The following AGAP1 variants were observed in gnomAD, a reference collection of about 807,000 sequenced individuals.
AGAP1 encodes ArfGAP with GTPase domain, ankyrin repeat and PH domain 1.
A neutral mutation model predicts 105.3 loss-of-function variants in AGAP1; 29 were observed. The observed-to-expected ratio is 0.28, with a 90% confidence interval of 0.21 to 0.38. The LOEUF (loss-of-function observed/expected upper bound fraction) is 0.38. AGAP1 is among the 10% of genes least tolerant of loss of function. The probability of loss-of-function intolerance (pLI) is 1.00; values close to 1 mark genes in which losing one functional copy is unlikely to be tolerated. For missense variants in AGAP1, 998 were observed against 1,165.1 expected (o/e 0.86, Z 2.09); for synonymous variants, 509 against 485.9 (o/e 1.05, Z -0.63).
chr2:235,632,081 C>G (rs941137039), intron 1 of AGAP1, among the ~76,000 whole-genome samples: 1 of 152,316 alleles, frequency 6.6e-6, no homozygotes, highest in South Asian at 2.1e-4. Flanking sequence ...ATTCTTCTGT[C>G]TTGTATAAGC....
chr2:236,043,583 C>T (rs1300688291), intron 15 of AGAP1, among the ~76,000 whole-genome samples: 2 of 151,986 alleles, frequency 1.3e-5, no homozygotes, highest in South Asian at 2.1e-4. Flanking sequence ...AAAAATTAGC[C>T]GGGCATGGTG....
intron 6 of AGAP1, chr2:235,776,874 G>A (rs1006173724): frequency 2.1e-6 from 1 of 469,706 alleles, no homozygotes; most frequent in African/African-American, 2.0e-5. Context: ...GGCTCTCCTA[G>A]CCCTTTCTTG....
intron 12 of AGAP1, among the ~76,000 whole-genome samples, chr2:235,941,774 A>G (rs1349580196): frequency 6.6e-6 from 1 of 152,136 alleles, no homozygotes; most frequent in African/African-American, 2.4e-5. Flanking sequence ...AAATGCTGCC[A>G]AGAACTCAGT....
rs1308959488 is a variant in AGAP1, at chr2:235,517,805, C to T, written c.163+22956C>T. ...TACAAAAATTAGTCAGACATGGTGG[C>T]GTGTGCCTGTAACCCCAGCTACACG... On this transcript the variant is annotated intron_variant, in intron 1 of 17. Transcript: ENST00000304032. This position sits in a 1 kb window ranked among gnomAD's most constrained non-coding sequence, Gnocchi z 4.1. Among the ~76,000 whole-genome samples the T allele has an allele frequency of 1.3e-5, 2 of 151,660 alleles. No homozygotes were observed. The highest frequency in any genetic ancestry group is 2.1e-4 in the South Asian group (1 of 4,798).
chr2:235,830,567 G>A lies in AGAP1; in HGVS notation c.1050+23236G>A, dbSNP rs188386364. 2.0e-4 allele frequency among the ~76,000 whole-genome samples: 31 copies of A among 151,474 alleles called. No homozygotes were observed. Among genetic ancestry groups the A allele is most frequent in the African/African-American group, 6.5e-4 (27 of 41,258 alleles). On this transcript the variant is annotated intron_variant, in intron 9 of 17. Coordinates refer to ENST00000304032, the MANE Select transcript of AGAP1 (RefSeq NM_001037131.3). This position sits in a 1 kb window ranked among gnomAD's most constrained non-coding sequence, Gnocchi z 5.5. ...TTACAGTTCAGAAGTGTTGCATGCT[G>A]AGCACTCTTTGTGAGATACTTTGGG...
chr2:235,644,688 G>GAT (rs369341275), intron 1 of AGAP1, among the ~76,000 whole-genome samples: 119 of 152,264 alleles, frequency 7.8e-4, no homozygotes, highest in African/African-American at 2.2e-3. Flanking sequence ...AGTTAGAACT[G>GAT]ATATGCAGCA....
In AGAP1 at chr2:236,046,140, G is replaced by A. The variant is rs934445102; in HGVS notation, c.1892-2919G>A. On this transcript the variant is annotated intron_variant, in intron 15 of 17. Transcript: ENST00000304032. The surrounding 1 kb of genome is among the most constrained non-coding windows in gnomAD (Gnocchi z 5.2). ...GTGGGGTGGGCATAGGAACCAAATC[G>A]GAGGTTCTGGTAAGAGCTTAGGCAA... 9 of 417,070 alleles carry A rather than the reference G, an allele frequency of 2.2e-5. No individual in the cohort carries two copies. Among genetic ancestry groups the A allele is most frequent in the South Asian group, 3.5e-5 (2 of 56,962 alleles). 25.8% of individuals were successfully genotyped at this position (417,070 alleles called of 1,614,324 possible).
At chr2:236,081,460 C>G (rs7580604) in intron 16 of AGAP1, among the ~76,000 whole-genome samples, 1 of 152,142 alleles carries the variant, frequency 6.6e-6, no homozygotes, top group Non-Finnish European at 1.5e-5. Context: ...GTCCTCCACC[C>G]GACTGAGAGT....
chr2:235,517,952 A>AAAG lies in AGAP1; in HGVS notation c.163+23105_163+23106insGAA, dbSNP rs1430792240. ...CGTTTCAAAAAAAAAAAAAAAGAAAAAAAAAAGGTAGAACTCATAGTTGCC... is the reference window on the plus strand; with the variant it reads ...CGTTTCAAAAAAAAAAAAAAAGAAAAAAGAAAAAAGGTAGAACTCATAGTTGCC... On this transcript the variant is annotated intron_variant, in intron 1 of 17. Coordinates refer to ENST00000304032, the MANE Select transcript of AGAP1 (RefSeq NM_001037131.3). This position sits in a 1 kb window ranked among gnomAD's most constrained non-coding sequence, Gnocchi z 4.1. 3.1e-3 allele frequency among the ~76,000 whole-genome samples: 193 copies of AAAG among 61,404 alleles called. No individual in the cohort carries two copies. The highest frequency in any genetic ancestry group is 4.4e-3 in the Non-Finnish European group (138 of 31,248). The allele number at this position is 61,404 out of a possible 152,430, so 40.3% of individuals were successfully genotyped here.
intron 13 of AGAP1, among the ~76,000 whole-genome samples, chr2:235,984,343 C>T (rs113303514): frequency 0.017 from 2,586 of 152,138 alleles, 37 homozygotes; most frequent in Middle Eastern, 0.061. Context: ...AAGGATGCTG[C>T]GTGAACATTG....
intron 1 of AGAP1, among the ~76,000 whole-genome samples, chr2:235,536,675 ACACC>A (rs1160444290): frequency 2.5e-5 from 3 of 119,254 alleles, no homozygotes; most frequent in Non-Finnish European, 5.5e-5. Flanking sequence ...ACACACACAC[ACACC>A]CCTTGCTTAT....
At chr2:236,084,245 CCTTAAA>C (rs953385766) in intron 16 of AGAP1, among the ~76,000 whole-genome samples, 2 of 152,198 alleles carry the variant, frequency 1.3e-5, no homozygotes, top group Admixed American at 6.5e-5. Context: ...TCTGCGGCCA[CCTTAAA>C]CTTAAACAAG....
chr2:236,108,315 T>A (rs2059553733), intron 16 of AGAP1, among the ~76,000 whole-genome samples: 1 of 152,214 alleles, frequency 6.6e-6, no homozygotes, highest in South Asian at 2.1e-4. Flanking sequence ...CCTGTTTTGC[T>A]TGAGGCAGGA....
chr2:235,856,933 G>T (rs1422934193), intron 9 of AGAP1, among the ~76,000 whole-genome samples: 1 of 152,246 alleles, frequency 6.6e-6, no homozygotes, highest in Non-Finnish European at 1.5e-5. Flanking sequence ...GTAGATGTGA[G>T]ACCAGTGCCT....
chr2:235,767,872 C>G (rs370257272), intron 6 of AGAP1, among the ~76,000 whole-genome samples: 3 of 150,900 alleles, frequency 2.0e-5, no homozygotes, highest in African/African-American at 7.3e-5. Context: ...GCAACCTCCG[C>G]CTCCGAGGTT....
chr2:235,629,450 A>C (rs1559300012), intron 1 of AGAP1, among the ~76,000 whole-genome samples: 1 of 152,138 alleles, frequency 6.6e-6, no homozygotes, highest in Non-Finnish European at 1.5e-5. Flanking sequence ...GGCCCTAGTC[A>C]GACACCGTAG....
chr2:235,859,093 C>G (rs528882110), intron 9 of AGAP1, among the ~76,000 whole-genome samples: 2 of 152,288 alleles, frequency 1.3e-5, no homozygotes, highest in South Asian at 2.1e-4. Flanking sequence ...TTGTCTCGAT[C>G]TTTATTAATG....
rs941283975 is a variant in AGAP1, at chr2:235,737,602, A to G, written c.311-3361A>G. On this transcript the variant is annotated intron_variant, in intron 3 of 17. Coordinates refer to ENST00000304032, the MANE Select transcript of AGAP1 (RefSeq NM_001037131.3). This position sits in a 1 kb window ranked among gnomAD's most constrained non-coding sequence, Gnocchi z 4.5. ...CTTCACTTGTGAACGTGACTCTGCAAAAACATGTTAGAGGAAGCAAAGGAG... is the reference window on the plus strand; with the variant it reads ...CTTCACTTGTGAACGTGACTCTGCAGAAACATGTTAGAGGAAGCAAAGGAG... Among the ~76,000 whole-genome samples, 3 of 152,196 alleles carry G rather than the reference A, an allele frequency of 2.0e-5. No individual in the cohort carries two copies. The highest frequency in any genetic ancestry group is 7.2e-5 in the African/African-American group (3 of 41,456).
At chr2:235,837,953 T>G (rs1575588786) in intron 9 of AGAP1, among the ~76,000 whole-genome samples, 1 of 151,978 alleles carries the variant, frequency 6.6e-6, no homozygotes, top group Admixed American at 6.6e-5. Flanking sequence ...GAGGCTGAGG[T>G]GGGTAGATCA....
Sources: allele counts gnomAD v4.1 joint callset (sites outside exome capture counted in the v4.1 genomes callset), GRCh38; gene constraint gnomAD v4.1.1; non-coding constraint Gnocchi (gnomAD v3.1); transcripts MANE v1.5; gene names NCBI Gene and HGNC (gene_info 2026-07-23, HGNC 2026-07-21).